Variants in TEAD1 observed in about 807,000 individuals in gnomAD.
TEAD1 encodes transcriptional enhancer factor TEF-1.
Under a neutral mutation model 54.9 loss-of-function variants are expected in TEAD1, and 9 were observed. The observed-to-expected ratio is 0.16, with a 90% confidence interval of 0.10 to 0.29. TEAD1 has a LOEUF of 0.29. Ranked by LOEUF, TEAD1 falls within the 10% of genes least tolerant of loss-of-function variation. The pLI is 1.00. For synonymous variants in TEAD1, 200 were observed against 187.8 expected (o/e 1.07, Z -0.53); for missense variants, 387 against 535.9 (o/e 0.72, Z 2.74).
At chr11:12,843,415 C>T (rs902810673) in intron 3 of TEAD1, among the ~76,000 whole-genome samples, 24 of 152,334 alleles carry the variant, frequency 1.6e-4, no homozygotes, top group African/African-American at 3.8e-4. Flanking sequence ...AGTTTTTAAA[C>T]GCATTTTTGT....
At position 12,840,246 on chromosome 11, in the gene TEAD1, C is replaced by CAAAAA. The variant is rs1176865272; in HGVS notation, c.203-21992_203-21988dup. ...TGGGCGACAGAGCGAGACTCTGCCT[C>CAAAAA]AAAAAAAAAAAAAAAAGAAAAAAAA... On this transcript the variant is annotated intron_variant, in intron 3 of 12. Transcript: ENST00000527636. 5.4e-3 allele frequency among the ~76,000 whole-genome samples: 169 copies of CAAAAA among 31,484 alleles called. 11 individuals are homozygous for CAAAAA. The highest frequency in any genetic ancestry group is 0.014 in the Admixed American group (33 of 2,396). 20.7% of individuals were successfully genotyped at this position (31,484 alleles called of 152,430 possible). A position where few individuals can be genotyped will look rare whatever the true frequency, so the allele number is the denominator to read the frequency against.
Position 12,674,437 on chromosome 11 carries a change from G to T in TEAD1, c.-605G>T, listed in dbSNP as rs1402672601. ...CCTGTCCTCATTCCGAACATTCTTA[G>T]CATCGCTCGCGCCGCGCCGCGCCGC... On this transcript the variant is annotated 5_prime_UTR_variant, in exon 1 of 13. Transcript: ENST00000527636. Among the ~76,000 whole-genome samples the T allele has an allele frequency of 6.7e-6, 1 of 150,084 alleles. No individual in the cohort carries two copies. The highest frequency in any genetic ancestry group is 1.5e-5 in the Non-Finnish European group (1 of 67,334).
At chr11:12,795,623 T>G (rs965538417) in intron 3 of TEAD1, among the ~76,000 whole-genome samples, 1 of 152,174 alleles carries the variant, frequency 6.6e-6, no homozygotes, top group Non-Finnish European at 1.5e-5. Flanking sequence ...GGGCCCAGGC[T>G]TTATACCCTT....
chr11:12,920,695 A>G (rs566919460), intron 10 of TEAD1, among the ~76,000 whole-genome samples: 2 of 152,266 alleles, frequency 1.3e-5, no homozygotes, highest in Non-Finnish European at 1.5e-5. Context: ...ATCAAAATCA[A>G]CTAGTACAAT....
intron 2 of TEAD1, among the ~76,000 whole-genome samples, chr11:12,710,206 C>A (rs956512255): frequency 6.6e-6 from 1 of 152,048 alleles, no homozygotes; most frequent in African/African-American, 2.4e-5. Flanking sequence ...CACCTGTAGT[C>A]TCAGCTTCTT....
At chr11:12,772,588 A>G (rs1433412200) in intron 3 of TEAD1, among the ~76,000 whole-genome samples, 1 of 152,240 alleles carries the variant, frequency 6.6e-6, no homozygotes, top group South Asian at 2.1e-4. Context: ...AGCAGTGAGT[A>G]TTAGCAGAGA....
chr11:12,725,242 A>G (rs1938220599), intron 2 of TEAD1, among the ~76,000 whole-genome samples: 1 of 152,196 alleles, frequency 6.6e-6, no homozygotes, highest in African/African-American at 2.4e-5. Context: ...ATGATCAAGC[A>G]GCTAGCCGGT....
At chr11:12,676,487 C>T (rs923498708) in intron 2 of TEAD1, among the ~76,000 whole-genome samples, 2 of 152,210 alleles carry the variant, frequency 1.3e-5, no homozygotes, top group Non-Finnish European at 2.9e-5. Context: ...GGTGCTTCAC[C>T]CTTTCACTGT....
intron 9 of TEAD1, among the ~76,000 whole-genome samples, chr11:12,885,853 A>G (rs761387484): frequency 5.3e-5 from 8 of 152,228 alleles, no homozygotes; most frequent in South Asian, 2.1e-4. Context: ...CCATTCTGCA[A>G]ACATTCGTGT....
At chr11:12,715,219 A>G (rs1485467850) in intron 2 of TEAD1, among the ~76,000 whole-genome samples, 1 of 152,078 alleles carries the variant, frequency 6.6e-6, no homozygotes, top group Non-Finnish European at 1.5e-5. Flanking sequence ...CAAATTCCTT[A>G]TTCCTGTAAA....
intron 2 of TEAD1, among the ~76,000 whole-genome samples, chr11:12,682,613 T>C (rs1007885172): frequency 6.6e-6 from 1 of 152,178 alleles, no homozygotes; most frequent in African/African-American, 2.4e-5. Flanking sequence ...CTTCCTTGTC[T>C]CTTCCCTTCA....
intron 3 of TEAD1, among the ~76,000 whole-genome samples, chr11:12,854,401 G>C (rs556237301): frequency 5.3e-5 from 8 of 152,278 alleles, no homozygotes; most frequent in African/African-American, 1.9e-4. Context: ...CTGTCTGGTA[G>C]TAGAGGGGTA....
intron 10 of TEAD1, among the ~76,000 whole-genome samples, chr11:12,918,194 T>G (rs1948747911): frequency 6.6e-6 from 1 of 152,072 alleles, no homozygotes; most frequent in Non-Finnish European, 1.5e-5. Flanking sequence ...ATCCCAGACT[T>G]CTTTGTTGTT....
At chr11:12,765,879 T>C (rs1331166852) in intron 3 of TEAD1, among the ~76,000 whole-genome samples, 3 of 152,236 alleles carry the variant, frequency 2.0e-5, no homozygotes. Flanking sequence ...ATTTTCTCTA[T>C]GTCTGGATCT....
At chr11:12,796,768 A>G (rs1945936251) in intron 3 of TEAD1, among the ~76,000 whole-genome samples, 1 of 151,916 alleles carries the variant, frequency 6.6e-6, no homozygotes, top group Non-Finnish European at 1.5e-5. Flanking sequence ...ATCAATAAAC[A>G]TGGAAGAGTT....
In TEAD1 at chr11:12,821,961, C is replaced by CTTTTTTTTTTTTTTTTTTTTTT. The variant is rs10700151; in HGVS notation, c.203-40269_203-40268insTTTTTTTTTTTTTTTTTTTTTT. Among the ~76,000 whole-genome samples the CTTTTTTTTTTTTTTTTTTTTTT allele has an allele frequency of 2.3e-3, 155 of 68,066 alleles. 28 individuals are homozygous for CTTTTTTTTTTTTTTTTTTTTTT. The highest frequency in any genetic ancestry group is 2.6e-3 in the Non-Finnish European group (106 of 40,016). The allele number at this position is 68,066 out of a possible 152,430, so 44.7% of individuals were successfully genotyped here. ...TACTCTCTCTCCTTTTTCTCTTTTC[C>CTTTTTTTTTTTTTTTTTTTTTT]TTTTTTTTTTTTTTTTTTTTGAGAC... is the stretch of plus-strand genomic sequence containing the variant. On this transcript the variant is annotated intron_variant, in intron 3 of 12. Coordinates refer to ENST00000527636, the MANE Select transcript of TEAD1 (RefSeq NM_021961.6).
intron 2 of TEAD1, among the ~76,000 whole-genome samples, chr11:12,681,390 G>T (rs76595359): frequency 6.6e-6 from 1 of 152,042 alleles, no homozygotes; most frequent in African/African-American, 2.4e-5. Context: ...TACCTTAGCC[G>T]TAAAATGCAA....
chr11:12,755,498 A>T (rs759000892), intron 2 of TEAD1, among the ~76,000 whole-genome samples: 1 of 152,182 alleles, frequency 6.6e-6, no homozygotes, highest in South Asian at 2.1e-4. Flanking sequence ...TTGACTCCAC[A>T]GGCTACTGGA....
chr11:12,803,683 A>G (rs1946110242), intron 3 of TEAD1, among the ~76,000 whole-genome samples: 1 of 152,228 alleles, frequency 6.6e-6, no homozygotes, highest in African/African-American at 2.4e-5. Context: ...CAGATGGGAA[A>G]GAAGACTGCA....
Sources: gnomAD v4.1 joint callset for allele counts (sites outside exome capture counted in the v4.1 genomes callset) on GRCh38, gnomAD v4.1.1 for gene constraint, MANE v1.5 for transcripts, NCBI Gene and HGNC (gene_info 2026-07-23, HGNC 2026-07-21) for gene names.